The following ACSS2 variants were observed in gnomAD, a reference collection of about 807,000 sequenced individuals.
ACSS2 encodes acetyl-coenzyme A synthetase, cytoplasmic.
ACSS2 carries 58 observed loss-of-function variants against 90.6 expected under a neutral mutation model. The ratio of observed to expected loss-of-function variants is 0.64; its 90% CI spans 0.52 to 0.80. The LOEUF (loss-of-function observed/expected upper bound fraction) is 0.80, where lower values mean the gene tolerates loss of function less well. ACSS2 is among the 30% of genes least tolerant of loss of function. The probability of loss-of-function intolerance (pLI) is 0.00; values close to 1 mark genes in which losing one functional copy is unlikely to be tolerated. For synonymous variants in ACSS2, 300 were observed against 330.9 expected (o/e 0.91, Z 1.01); for missense variants, 759 against 912.0 (o/e 0.83, Z 2.16).
intron 2 of ACSS2, among the ~76,000 whole-genome samples, chr20:34,901,380 C>T (rs1437795534): frequency 6.6e-6 from 1 of 152,142 alleles, no homozygotes; most frequent in Non-Finnish European, 1.5e-5. Context: ...CAGGCATGAG[C>T]CACCATATCT....
At position 34,927,795 on chromosome 20, in the gene ACSS2, G is replaced by A. The variant is rs910413621; in HGVS notation, c.*581G>A. 6.4e-6 allele frequency: 1 copy of A among 155,078 alleles called. No individual in the cohort carries two copies. Among genetic ancestry groups the A allele is most frequent in the African/African-American group, 2.4e-5 (1 of 41,428 alleles). 9.6% of individuals were successfully genotyped at this position (155,078 alleles called of 1,614,324 possible). On this transcript the variant is annotated 3_prime_UTR_variant, in exon 18 of 18. Transcript: ENST00000360596. This position sits in a 1 kb window ranked among gnomAD's most constrained non-coding sequence, Gnocchi z 4.2. ...CATCTGCTTCTTTGAAGGAGTAAAT[G>A]TGTTTTGTTCCTAGGGCCAGAGGAG...
intron 2 of ACSS2, among the ~76,000 whole-genome samples, chr20:34,899,180 C>G (rs972842297): frequency 1.3e-5 from 2 of 152,196 alleles, no homozygotes; most frequent in Non-Finnish European, 2.9e-5. Context: ...CCGCTCGGGC[C>G]TCTCCCTCCG....
At chr20:34,881,225 C>CA (rs1452107453) in intron 1 of ACSS2, among the ~76,000 whole-genome samples, 1 of 147,796 alleles carries the variant, frequency 6.8e-6, no homozygotes, top group Non-Finnish European at 1.5e-5. Flanking sequence ...TTAGTAGAGA[C>CA]AGGATTTCAC....
intron 2 of ACSS2, among the ~76,000 whole-genome samples, chr20:34,901,713 A>G (rs2080662896): frequency 1.3e-5 from 2 of 152,236 alleles, no homozygotes; most frequent in South Asian, 4.1e-4. Context: ...TCAAACTTCA[A>G]TAACCATGAA....
At chr20:34,900,912 G>A (rs2080641000) in intron 2 of ACSS2, among the ~76,000 whole-genome samples, 1 of 152,046 alleles carries the variant, frequency 6.6e-6, no homozygotes, top group Non-Finnish European at 1.5e-5. Context: ...CCCCCCTTTT[G>A]GAGGCCATGT....
intron 4 of ACSS2, 78 bp downstream of exon 4, chr20:34,913,574 G>T (rs2081012273): frequency 7.0e-7 from 1 of 1,420,158 alleles, no homozygotes; most frequent in South Asian, 1.2e-5. Flanking sequence ...AGATGATGGA[G>T]GGTCTTAAAT....
At chr20:34,905,438 A>G (rs1456766425) in intron 2 of ACSS2, among the ~76,000 whole-genome samples, 2 of 151,786 alleles carry the variant, frequency 1.3e-5, no homozygotes, top group Non-Finnish European at 2.9e-5. Context: ...ACCCCCGGCT[A>G]ATTTTTTGTA....
chr20:34,875,169 C>A, upstream of ACSS2: 1 of 534,614 alleles, frequency 1.9e-6, no homozygotes, highest in South Asian at 1.4e-5. Context: ...TGCCTGACTT[C>A]TTTCTGGGGT....
At chr20:34,887,408 G>A (rs899392016) in intron 2 of ACSS2, among the ~76,000 whole-genome samples, 5 of 152,172 alleles carry the variant, frequency 3.3e-5, no homozygotes, top group African/African-American at 1.2e-4. Flanking sequence ...AAATGTCCCA[G>A]ACCCTAGTCT....
chr20:34,919,376 C>T lies in ACSS2; in HGVS notation c.835-59C>T, dbSNP rs75982760. Reference sequence around the variant, plus strand: ...CCTCATTCCCTCCAGGGGCAAGGTACGGGTGTATCTTGTCCCCATCTTGAG... The same window carrying T: ...CCTCATTCCCTCCAGGGGCAAGGTATGGGTGTATCTTGTCCCCATCTTGAG... On this transcript the variant is annotated intron_variant, in intron 7 of 17. Coordinates refer to ENST00000360596, the MANE Select transcript of ACSS2 (RefSeq NM_018677.4). The T allele has an allele frequency of 4.8e-5, 77 of 1,600,718 alleles. No homozygotes were observed. In the African/African-American group the frequency reaches 7.9e-4, roughly 16 times the overall value.
At position 34,927,663 on chromosome 20, in the gene ACSS2, G is replaced by C. The variant is rs1203212096; in HGVS notation, c.*449G>C. ...TTTACTATTTTTAAAATATTTTGCT[G>C]CTTCTGTTCTGGGTCTGAATTCCCT... is the stretch of plus-strand genomic sequence containing the variant. On this transcript the variant is annotated 3_prime_UTR_variant, in exon 18 of 18. Coordinates refer to ENST00000360596, the MANE Select transcript of ACSS2 (RefSeq NM_018677.4). The surrounding 1 kb of genome is among the most constrained non-coding windows in gnomAD (Gnocchi z 4.2). 1 of 172,996 alleles carries C rather than the reference G, an allele frequency of 5.8e-6. No individual in the cohort carries two copies. Among genetic ancestry groups the C allele is most frequent in the African/African-American group, 2.4e-5 (1 of 42,298 alleles). The allele number at this position is 172,996 out of a possible 1,614,324, so 10.7% of individuals were successfully genotyped here. A position where few individuals can be genotyped will look rare whatever the true frequency, so the allele number is the denominator to read the frequency against.
chr20:34,879,656 CG>C (rs2080023165), intron 1 of ACSS2, among the ~76,000 whole-genome samples: 1 of 152,110 alleles, frequency 6.6e-6, no homozygotes, highest in Non-Finnish European at 1.5e-5. Flanking sequence ...TGCTTGAACC[CG>C]GGAGACGGAG....
At chr20:34,924,603 C>T (rs4911450) in intron 14 of ACSS2, among the ~76,000 whole-genome samples, 101,197 of 152,002 alleles carry the variant, frequency 0.67, 35,227 homozygotes, top group African/African-American at 0.87. Context: ...ACGTTGGAGA[C>T]GTACATAATA....
At chr20:34,913,940 T>G in intron 5 of ACSS2, 115 bp downstream of exon 5, 1 of 1,372,504 alleles carries the variant, frequency 7.3e-7, no homozygotes, top group South Asian at 1.2e-5. Context: ...TGCCTGCCTT[T>G]TCTCTCCTGG....
At chr20:34,881,585 T>C (rs1331827616) in intron 1 of ACSS2, among the ~76,000 whole-genome samples, 1 of 152,240 alleles carries the variant, frequency 6.6e-6, no homozygotes, top group Non-Finnish European at 1.5e-5. Context: ...CTTTCCCTTA[T>C]TCTCAGTGTT....
At chr20:34,875,923 G>C (rs1323126510), upstream of ACSS2, 4 of 152,616 alleles carry the variant, frequency 2.6e-5, no homozygotes, top group Admixed American at 2.6e-4. Context: ...AATCTGAGCT[G>C]GTTCCAGGGT....
intron 1 of ACSS2, among the ~76,000 whole-genome samples, chr20:34,880,833 A>G (rs1035158092): frequency 2.0e-5 from 3 of 152,122 alleles, no homozygotes; most frequent in Admixed American, 6.6e-5. Context: ...TGTCTTGTAC[A>G]TTAAAAAATA....
At position 34,927,478 on chromosome 20, in the gene ACSS2, C is replaced by T; in HGVS notation, c.*264C>T. The T allele has an allele frequency of 2.0e-6, 1 of 507,548 alleles. No homozygotes were observed. Among genetic ancestry groups the T allele is most frequent in the South Asian group, 2.5e-5 (1 of 40,050 alleles). 31.4% of individuals were successfully genotyped at this position (507,548 alleles called of 1,614,324 possible). A position where few individuals can be genotyped will look rare whatever the true frequency, so the allele number is the denominator to read the frequency against. Reference sequence around the variant, plus strand: ...ACCCAGAACAGAGACGAAAAGGCTACCTCTCCTACCCAAGTTAAGTGTTCA... The same window carrying T: ...ACCCAGAACAGAGACGAAAAGGCTATCTCTCCTACCCAAGTTAAGTGTTCA... On this transcript the variant is annotated 3_prime_UTR_variant, in exon 18 of 18. Transcript: ENST00000360596. The surrounding 1 kb of genome is among the most constrained non-coding windows in gnomAD (Gnocchi z 4.2).
At chr20:34,898,851 G>A (rs1481402649) in intron 2 of ACSS2, among the ~76,000 whole-genome samples, 2 of 152,106 alleles carry the variant, frequency 1.3e-5, no homozygotes, top group Non-Finnish European at 2.9e-5. Context: ...GTGAGCAGGG[G>A]GCGGTGCTCG....
Sources: allele counts gnomAD v4.1 joint callset (sites outside exome capture counted in the v4.1 genomes callset), GRCh38; gene constraint gnomAD v4.1.1; non-coding constraint Gnocchi (gnomAD v3.1); transcripts MANE v1.5; gene names NCBI Gene and HGNC (gene_info 2026-07-23, HGNC 2026-07-21).